The following CA8 variants were observed in gnomAD, a reference collection of about 807,000 sequenced individuals.
CA8 encodes carbonic anhydrase-related protein.
A neutral mutation model predicts 41.4 loss-of-function variants in CA8; 22 were observed. The ratio of observed to expected loss-of-function variants is 0.53; its 90% CI spans 0.38 to 0.76. The LOEUF is 0.76. Among genes scored for constraint, CA8 ranks in the 30% least tolerant of loss-of-function variants. CA8 has a pLI of 0.00. For missense variants in CA8, 270 were observed against 352.8 expected (o/e 0.77, Z 1.88); for synonymous variants, 121 against 130.6 (o/e 0.93, Z 0.50).
intron 2 of CA8, among the ~76,000 whole-genome samples, chr8:60,272,320 G>C (rs1256868927): frequency 6.6e-6 from 1 of 151,490 alleles, no homozygotes; most frequent in Non-Finnish European, 1.5e-5. Context: ...CTCTCTCCCA[G>C]ATCCCATCTC....
chr8:60,230,433 C>T (rs1042904217), intron 4 of CA8, among the ~76,000 whole-genome samples: 36 of 152,152 alleles, frequency 2.4e-4, no homozygotes, highest in African/African-American at 8.4e-4. Context: ...TGGACATCAT[C>T]GCCAGTTATT....
chr8:60,228,512 A>C (rs746202159), intron 4 of CA8, among the ~76,000 whole-genome samples: 3 of 152,170 alleles, frequency 2.0e-5, no homozygotes, highest in Non-Finnish European at 2.9e-5. Flanking sequence ...AGGCCACTCA[A>C]TGTGGTGCTC....
At chr8:60,246,970 A>G (rs1808266666) in intron 3 of CA8, among the ~76,000 whole-genome samples, 3 of 128,048 alleles carry the variant, frequency 2.3e-5, no homozygotes, top group African/African-American at 6.2e-5. Flanking sequence ...TGCAAGCTCC[A>G]CCTCCCAGGT....
intron 5 of CA8, 51 bp downstream of exon 5, chr8:60,226,822 G>C: frequency 2.8e-6 from 3 of 1,072,058 alleles, no homozygotes; most frequent in Non-Finnish European, 4.3e-6. Context: ...GGTGGTCACA[G>C]GGAGCTCCTA....
chr8:60,197,646 A>AC (rs1013771763), intron 8 of CA8, among the ~76,000 whole-genome samples: 2 of 152,030 alleles, frequency 1.3e-5, no homozygotes, highest in African/African-American at 2.4e-5. Context: ...ATCCATCACA[A>AC]CCCCCAGTGC....
At position 60,275,609 on chromosome 8, in the gene CA8, A is replaced by G. The variant is rs193132500; in HGVS notation, c.292+4080T>C. Among the ~76,000 whole-genome samples the G allele has an allele frequency of 1.1e-3, 169 of 152,278 alleles. 1 individual carries two copies. Among genetic ancestry groups the G allele is most frequent in the African/African-American group, 3.7e-3 (152 of 41,582 alleles). On this transcript the variant is annotated intron_variant, in intron 2 of 8. Coordinates refer to ENST00000317995, the MANE Select transcript of CA8 (RefSeq NM_004056.6). ...TAGAAAGTAGAAGAGAAAGGGAAGAAGAAAGTGGGAGTTACCAAAAGAGGA... is the reference window on the plus strand; with the variant it reads ...TAGAAAGTAGAAGAGAAAGGGAAGAGGAAAGTGGGAGTTACCAAAAGAGGA...
Position 60,185,859 on chromosome 8 carries a change from A to G in CA8, c.*4162T>C, listed in dbSNP as rs557413010. Among the ~76,000 whole-genome samples the G allele has an allele frequency of 6.6e-6, 1 of 152,274 alleles. No homozygotes were observed. The highest frequency in any genetic ancestry group is 1.9e-4 in the East Asian group (1 of 5,190). ...ACTAATTTGAATCCATTCCAAAAAA[A>G]AAAGGGCACTGGTAAATGTAATTAT... On this transcript the variant is annotated 3_prime_UTR_variant, in exon 9 of 9. Transcript: ENST00000317995.
intron 8 of CA8, among the ~76,000 whole-genome samples, chr8:60,194,977 TAAAG>T (rs1480602325): frequency 6.6e-6 from 1 of 152,222 alleles, no homozygotes; most frequent in Non-Finnish European, 1.5e-5. Context: ...GTGTATTTTC[TAAAG>T]TTCCTACAAT....
chr8:60,207,228 A>T (rs1228579985), intron 8 of CA8, among the ~76,000 whole-genome samples: 2 of 152,194 alleles, frequency 1.3e-5, no homozygotes, highest in African/African-American at 4.8e-5. Flanking sequence ...TTTGGCCCGT[A>T]ACCTAACTTA....
At chr8:60,244,798 C>T (rs1585897453) in intron 3 of CA8, among the ~76,000 whole-genome samples, 1 of 152,324 alleles carries the variant, frequency 6.6e-6, no homozygotes, top group East Asian at 1.9e-4. Context: ...TGGAAAGGTA[C>T]TTGTCTGTTA....
At chr8:60,251,009 C>CTA (rs949264470) in intron 3 of CA8, among the ~76,000 whole-genome samples, 3 of 151,828 alleles carry the variant, frequency 2.0e-5, no homozygotes, top group Admixed American at 6.6e-5. Flanking sequence ...GTAATAATAG[C>CTA]TATATATATA....
At chr8:60,240,969 A>G (rs184701810) in intron 3 of CA8, among the ~76,000 whole-genome samples, 252 of 152,312 alleles carry the variant, frequency 1.7e-3, no homozygotes, top group African/African-American at 5.7e-3. Context: ...AAAAAGGGGG[A>G]AAAGGAAACA....
Position 60,208,808 on chromosome 8 carries a change from C to T in CA8, c.850G>A (p.Val284Ile). ...FRPTQPLSDR[V>I]IRAAFQ ...GGCTACTGAAATGCAGCTCTAATGA[C>T]TCTGTCACTAAGAGGCTGAGTGGGC... Residue 284 changes from valine to isoleucine, a missense_variant, in exon 8 of 9, where the codon GTC (valine) becomes ATC (isoleucine). By Grantham distance (29) the Val-to-Ile change is conservative. Around this residue, in one of 3 missense-constraint regions of CA8, gnomAD observed 141 missense variants for 191.6 expected, o/e 0.74. Coordinates refer to ENST00000317995, the MANE Select transcript of CA8 (RefSeq NM_004056.6). 6.2e-7 allele frequency: 1 copy of T among 1,614,162 alleles called. No homozygotes were observed. Among genetic ancestry groups the T allele is most frequent in the African/African-American group, 1.3e-5 (1 of 75,042 alleles).
intron 3 of CA8, among the ~76,000 whole-genome samples, chr8:60,260,801 C>G (rs1330956737): frequency 1.3e-5 from 2 of 152,144 alleles, no homozygotes; most frequent in Non-Finnish European, 2.9e-5. Flanking sequence ...CCCATTACAT[C>G]TCCTTGGAAA....
At chr8:60,271,415 AAGAT>A (rs1034803463) in intron 2 of CA8, among the ~76,000 whole-genome samples, 16 of 152,204 alleles carry the variant, frequency 1.1e-4, no homozygotes, top group Admixed American at 6.5e-4. Flanking sequence ...ATAAATAAAA[AAGAT>A]AGAGCCTCTT....
intron 7 of CA8, among the ~76,000 whole-genome samples, chr8:60,210,247 G>A (rs1203700990): frequency 2.0e-5 from 3 of 152,146 alleles, no homozygotes; most frequent in African/African-American, 4.8e-5. Flanking sequence ...TTGAGCAAAC[G>A]TGATTTGGGC....
At chr8:60,265,801 T>G in intron 3 of CA8, 124 bp downstream of exon 3, 1 of 1,113,808 alleles carries the variant, frequency 9.0e-7, no homozygotes, top group East Asian at 2.6e-5. Context: ...ATTTTTTAAA[T>G]TTTAGTATAA....
intron 7 of CA8, among the ~76,000 whole-genome samples, chr8:60,211,213 G>C (rs1806824086): frequency 6.6e-6 from 1 of 152,212 alleles, no homozygotes; most frequent in Non-Finnish European, 1.5e-5. Context: ...ACTCAGCATA[G>C]TTCCAAGCAC....
rs1010026475 is a variant in CA8, at chr8:60,281,366, G to T, written c.-219C>A. The T allele has an allele frequency of 3.5e-6, 2 of 568,626 alleles. No individual in the cohort carries two copies. The highest frequency in any genetic ancestry group is 2.0e-5 in the South Asian group (1 of 49,990). 35.2% of individuals were successfully genotyped at this position (568,626 alleles called of 1,614,324 possible). A position where few individuals can be genotyped will look rare whatever the true frequency, so the allele number is the denominator to read the frequency against. On this transcript the variant is annotated 5_prime_UTR_variant, in exon 1 of 9. Transcript: ENST00000317995. ...GAGACCCGCGTGGGAAGCGCGTCCG[G>T]AGGCCCCAGCAGAGCGAGGGAGCGG...
Sources: allele counts gnomAD v4.1 joint callset (sites outside exome capture counted in the v4.1 genomes callset), GRCh38; gene constraint gnomAD v4.1.1; regional missense constraint gnomAD v4.1.1; transcripts MANE v1.5; gene names NCBI Gene and HGNC (gene_info 2026-07-23, HGNC 2026-07-21).